SMC5: variants seen among roughly 807,000 people sequenced by gnomAD.
SMC5 encodes structural maintenance of chromosomes 5.
Under a neutral mutation model 148.3 loss-of-function variants are expected in SMC5, and 88 were observed. The ratio of observed to expected loss-of-function variants is 0.59; its 90% confidence interval spans 0.50 to 0.71. The LOEUF is 0.71. Among genes scored for constraint, SMC5 ranks in the 30% least tolerant of loss-of-function variants. SMC5 has a pLI of 0.00. For synonymous variants in SMC5, 421 were observed against 432.8 expected (o/e 0.97, Z 0.34); for missense variants, 1,142 against 1,298.9 (o/e 0.88, Z 1.86).
chr9:70,297,089 T>G (rs1349117577), intron 8 of SMC5, among the ~76,000 whole-genome samples: 1 of 152,090 alleles, frequency 6.6e-6, no homozygotes, highest in Non-Finnish European at 1.5e-5. Context: ...GATTTCAGAG[T>G]TTTTCAGATT....
At chr9:70,346,192 G>A (rs187032157) in intron 18 of SMC5, among the ~76,000 whole-genome samples, 1 of 152,210 alleles carries the variant, frequency 6.6e-6, no homozygotes, top group East Asian at 1.9e-4. Flanking sequence ...ATAAATGTTG[G>A]ACACATGAGC....
At chr9:70,319,676 A>G (rs765263050) in intron 15 of SMC5, among the ~76,000 whole-genome samples, 3 of 152,228 alleles carry the variant, frequency 2.0e-5, no homozygotes, top group African/African-American at 4.8e-5. Context: ...ATCTGAAACC[A>G]TATCAGTGAA....
chr9:70,334,453 A>G (rs1170809789), intron 17 of SMC5, among the ~76,000 whole-genome samples: 1 of 152,212 alleles, frequency 6.6e-6, no homozygotes, highest in African/African-American at 2.4e-5. Flanking sequence ...AGATGCCATT[A>G]CAAAAAGGCA....
chr9:70,333,226 T>G (rs1252053343), intron 17 of SMC5, among the ~76,000 whole-genome samples: 1 of 152,158 alleles, frequency 6.6e-6, no homozygotes, highest in Non-Finnish European at 1.5e-5. Context: ...GTTCAATATA[T>G]AGAAATTCAT....
chr9:70,316,985 T>C (rs1450745663), intron 13 of SMC5, among the ~76,000 whole-genome samples: 2 of 152,118 alleles, frequency 1.3e-5, no homozygotes, highest in Non-Finnish European at 2.9e-5. Context: ...AATACCTTAC[T>C]GTCCCAATGC....
At chr9:70,286,508 T>A (rs1325571791) in intron 8 of SMC5, among the ~76,000 whole-genome samples, 3 of 152,176 alleles carry the variant, frequency 2.0e-5, no homozygotes, top group Non-Finnish European at 4.4e-5. Context: ...TGGGTGGCTG[T>A]AGTTTTTTAA....
chr9:70,319,075 C>G, intron 15 of SMC5, 112 bp downstream of exon 15: 2 of 932,212 alleles, frequency 2.1e-6, no homozygotes, highest in Non-Finnish European at 3.0e-6. Context: ...AGTAATTTCT[C>G]TTTAATCTTT....
intron 6 of SMC5, 118 bp downstream of exon 6, chr9:70,281,017 T>A: frequency 9.1e-7 from 1 of 1,101,274 alleles, no homozygotes; most frequent in South Asian, 1.4e-5. Flanking sequence ...TTTGGCTTTA[T>A]ATGTTATACA....
intron 17 of SMC5, among the ~76,000 whole-genome samples, chr9:70,328,214 C>T (rs1374305122): frequency 6.6e-6 from 1 of 152,130 alleles, no homozygotes. Flanking sequence ...TATTTCAGAA[C>T]ACAATCATGC....
chr9:70,280,123 T>C (rs1223091213), intron 5 of SMC5, among the ~76,000 whole-genome samples: 1 of 152,240 alleles, frequency 6.6e-6, no homozygotes, highest in East Asian at 1.9e-4. Flanking sequence ...ATAGTTATTT[T>C]AGCTTCAGAT....
chr9:70,307,954 G>A (rs2035550319), intron 11 of SMC5, among the ~76,000 whole-genome samples: 1 of 152,116 alleles, frequency 6.6e-6, no homozygotes, highest in Non-Finnish European at 1.5e-5. Flanking sequence ...CACATCTTGA[G>A]TGTATCTTTT....
At chr9:70,269,240 GA>G (rs1717001984) in intron 3 of SMC5, among the ~76,000 whole-genome samples, 1 of 152,076 alleles carries the variant, frequency 6.6e-6, no homozygotes, top group Non-Finnish European at 1.5e-5. Context: ...AAGACCTGAA[GA>G]AATGGAGGTG....
At chr9:70,309,650 G>A (rs2118519960) in intron 11 of SMC5, among the ~76,000 whole-genome samples, 2 of 152,208 alleles carry the variant, frequency 1.3e-5, no homozygotes, top group South Asian at 4.1e-4. Flanking sequence ...TGAGATTGCA[G>A]CAATTCAGTT....
chr9:70,324,039 A>T lies in SMC5; in HGVS notation c.2293A>T (p.Ile765Leu), dbSNP rs892515654. ...NLIKICTSLH[I>L]QKVDLILQNT... ...TTCCTAGATTTGTACTTCTTTGCAT[A>T]TACAAAAAGTAGATTTAATTCTCCA... The change falls in exon 17 of 25, where the codon ATA becomes TTA. Residue 765 changes from isoleucine to leucine, a missense_variant. By Grantham distance (5) the Ile-to-Leu change is conservative. Around this residue, in one of 5 missense-constraint regions of SMC5, gnomAD observed 743 missense variants for 835.7 expected, o/e 0.89. Transcript: ENST00000361138. 6.3e-7 allele frequency: 1 copy of T among 1,578,058 alleles called. No homozygotes were observed.
Position 70,264,432 on chromosome 9 carries a change from G to T in SMC5, c.314G>T (p.Gly105Val). The T allele has an allele frequency of 6.2e-7, 1 of 1,613,880 alleles. No individual in the cohort carries two copies. The highest frequency in any genetic ancestry group is 1.1e-5 in the South Asian group (1 of 91,018). The change falls in exon 2 of 25, where the codon GGA becomes GTA. Residue 105 changes from glycine to valine, a missense_variant. Coordinates refer to ENST00000361138, the MANE Select transcript of SMC5 (RefSeq NM_015110.4). Reference sequence around the variant, plus strand: ...TTAGCTGGAAAACCTGCTTTCATGGGACGAGCAGATAAGGTGAGTTAATAT... The same window carrying T: ...TTAGCTGGAAAACCTGCTTTCATGGTACGAGCAGATAAGGTGAGTTAATAT... ...LGLAGKPAFM[G>V]RADKVGFFVK... is the part of the protein sequence containing the mutation.
intron 1 of SMC5, among the ~76,000 whole-genome samples, chr9:70,263,176 A>C (rs2034185726): frequency 6.6e-6 from 1 of 152,168 alleles, no homozygotes; most frequent in Admixed American, 6.5e-5. Flanking sequence ...ATGTCAGGTA[A>C]TTTCCTACAT....
At chr9:70,269,623 A>G (rs374314213) in intron 3 of SMC5, among the ~76,000 whole-genome samples, 27 of 152,236 alleles carry the variant, frequency 1.8e-4, no homozygotes, top group African/African-American at 6.3e-4. Flanking sequence ...TTGTAAATTA[A>G]TACATACATT....
intron 1 of SMC5, among the ~76,000 whole-genome samples, chr9:70,259,985 C>T (rs1279142175): frequency 6.7e-6 from 1 of 150,162 alleles, no homozygotes; most frequent in Non-Finnish European, 1.5e-5. Context: ...CTGTAGCCCA[C>T]GCTGGATGGA....
chr9:70,264,234 A>T, intron 1 of SMC5, 70 bp from the exon 2 acceptor site: 1 of 1,425,324 alleles, frequency 7.0e-7, no homozygotes. Flanking sequence ...GAGGAAGCTC[A>T]TAGATAATGT....
Sources: allele counts gnomAD v4.1 joint callset (sites outside exome capture counted in the v4.1 genomes callset), GRCh38; gene constraint gnomAD v4.1.1; regional missense constraint gnomAD v4.1.1; transcripts MANE v1.5; gene names NCBI Gene and HGNC (gene_info 2026-07-23, HGNC 2026-07-21).